The following CRAMP1 variants were observed in gnomAD, a reference collection of about 807,000 sequenced individuals.
CRAMP1 encodes cramped chromatin regulator 1.
A neutral mutation model predicts 115.4 loss-of-function variants in CRAMP1; 50 were observed. The observed-to-expected ratio is 0.43, with a 90% CI of 0.35 to 0.55. The LOEUF (loss-of-function observed/expected upper bound fraction) is 0.55, where lower values mean the gene tolerates loss of function less well. Among genes scored for constraint, CRAMP1 ranks in the 20% least tolerant of loss-of-function variants. CRAMP1 has a pLI of 0.01. For missense variants in CRAMP1, 1,679 were observed against 1,721.7 expected, an observed-to-expected ratio of 0.98 and a Z score of 0.44; for synonymous variants, 866 against 745.4, an observed-to-expected ratio of 1.16 and a Z score of -2.64.
chr16:1,659,451 T>C (rs1054653146), intron 10 of CRAMP1, among the ~76,000 whole-genome samples: 1 of 152,098 alleles, frequency 6.6e-6, no homozygotes, highest in Middle Eastern at 3.4e-3. Context: ...AGTGCAGTGG[T>C]GCGATCTCGG....
In CRAMP1 at chr16:1,656,036, C is replaced by T. The variant is rs1207627052; in HGVS notation, c.1279C>T (p.Gln427Ter). Residue 427 changes from glutamine to a stop codon, truncating the protein, a stop_gained, in exon 10 of 21, where the codon CAG becomes TAG. Transcript: ENST00000397412. LOFTEE classifies it high-confidence loss of function. This position sits in a 1 kb window ranked among gnomAD's most constrained non-coding sequence, Gnocchi z 5.6. ...HSKAFCTVHW[Q>*]EGGRCKQSAK... The stretch of plus-strand genomic sequence containing the variant: ...CAAGGCCTTCTGCACAGTGCACTGG[C>T]AGGAGGGCGGCCGGTGCAAGCAGAG... 1 of 1,612,162 alleles carries T rather than the reference C, an allele frequency of 6.2e-7. No homozygotes were observed. Among genetic ancestry groups the T allele is most frequent in the Non-Finnish European group, 8.5e-7 (1 of 1,179,630 alleles).
chr16:1,655,288 T>C lies in CRAMP1; in HGVS notation c.1107T>C (p.His369=). The change falls in exon 9 of 21, where the codon CAT becomes CAC. Residue 369 remains histidine (H), a synonymous_variant. Coordinates refer to ENST00000397412, the MANE Select transcript of CRAMP1 (RefSeq NM_020825.4). ...IEFLKQKWAL[H]EVRVRKTLEE... is the part of the protein sequence containing the mutation. ...TCTTGAAGCAGAAGTGGGCGCTCCA[T>C]GAGGTGCGAGTTGTATCCTTTTCCA... 3 of 1,613,820 alleles carry C rather than the reference T, an allele frequency of 1.9e-6. No homozygotes were observed. Among genetic ancestry groups the C allele is most frequent in the Non-Finnish European group, 2.5e-6 (3 of 1,179,714 alleles).
chr16:1,645,756 C>T (rs2036669386), intron 6 of CRAMP1, among the ~76,000 whole-genome samples: 1 of 152,232 alleles, frequency 6.6e-6, no homozygotes, highest in African/African-American at 2.4e-5. Flanking sequence ...CTCCCGCTCT[C>T]TCTAGCTGCA....
At chr16:1,633,851 C>G (rs546003625) in intron 4 of CRAMP1, among the ~76,000 whole-genome samples, 18 of 152,150 alleles carry the variant, frequency 1.2e-4, no homozygotes, top group Admixed American at 1.2e-3. Flanking sequence ...GGGCGGATCA[C>G]GAGGTCAAGA....
Position 1,656,206 on chromosome 16 carries a change from G to T in CRAMP1, c.1449G>T (p.Leu483Phe), listed in dbSNP as rs757719069. The T allele has an allele frequency of 6.2e-7, 1 of 1,604,030 alleles. No homozygotes were observed. Among genetic ancestry groups the T allele is most frequent in the Non-Finnish European group, 8.5e-7 (1 of 1,176,264 alleles). The change falls in exon 10 of 21, where the codon TTG becomes TTT. Residue 483 changes from leucine (L) to phenylalanine (F), a missense_variant. Transcript: ENST00000397412. This position sits in a 1 kb window ranked among gnomAD's most constrained non-coding sequence, Gnocchi z 5.6. ...GGCCCCCTCCTGCGGCTGACGCCTTGCAGAGCTCCGGAGAGAGTTCCCCCG... is the reference window on the plus strand; with the variant it reads ...GGCCCCCTCCTGCGGCTGACGCCTTTCAGAGCTCCGGAGAGAGTTCCCCCG... The part of the protein sequence containing the change: ...VGRPPPAADA[L>F]QSSGESSPES...
intron 4 of CRAMP1, 71 bp downstream of exon 4, chr16:1,632,436 C>G (rs2036554534): frequency 6.9e-7 from 1 of 1,449,112 alleles, no homozygotes; most frequent in African/African-American, 1.4e-5. Flanking sequence ...GCGCAGCTTC[C>G]AGCAAGCCCG....
chr16:1,634,668 G>A (rs1043210665), intron 4 of CRAMP1, among the ~76,000 whole-genome samples: 9 of 151,958 alleles, frequency 5.9e-5, no homozygotes, highest in African/African-American at 1.9e-4. Flanking sequence ...CCGTTCTCCC[G>A]TGTTCTCCCG....
In CRAMP1 at chr16:1,672,026, CCT is replaced by C. The variant is rs1231412840; in HGVS notation, c.3645+1218_3645+1219del. ...CGAGAAGCCAGTCTCTGTCTCTTCC[CCT>C]GTTTGTGCGCATGTTCCTAAGTGCT... is the stretch of plus-strand genomic sequence containing the variant. On this transcript the variant is annotated intron_variant, in intron 20 of 20. Coordinates refer to ENST00000397412, the MANE Select transcript of CRAMP1 (RefSeq NM_020825.4). This position sits in a 1 kb window ranked among gnomAD's most constrained non-coding sequence, Gnocchi z 4.9. 8.5e-5 allele frequency among the ~76,000 whole-genome samples: 13 copies of C among 152,292 alleles called. No individual in the cohort carries two copies. Among genetic ancestry groups the C allele is most frequent in the South Asian group, 2.1e-4 (1 of 4,830 alleles).
intron 3 of CRAMP1, 62 bp downstream of exon 3, chr16:1,626,228 C>A: frequency 1.5e-6 from 2 of 1,370,994 alleles, no homozygotes; most frequent in Non-Finnish European, 1.9e-6. Context: ...CCCTGCCCTC[C>A]GTTCCCCGTG....
chr16:1,620,608 G>A (rs915204972), intron 2 of CRAMP1: 10 of 456,566 alleles, frequency 2.2e-5, no homozygotes, highest in South Asian at 1.6e-4. Flanking sequence ...GGGTGTCACT[G>A]GGCTTCTGCG....
At chr16:1,628,248 A>G (rs1054450991) in intron 3 of CRAMP1, among the ~76,000 whole-genome samples, 1 of 152,172 alleles carries the variant, frequency 6.6e-6, no homozygotes, top group Admixed American at 6.5e-5. Context: ...GGCAAGAGAA[A>G]GGACTTTTTG....
chr16:1,654,333 T>C (rs1430456368), intron 8 of CRAMP1, among the ~76,000 whole-genome samples: 1 of 151,506 alleles, frequency 6.6e-6, no homozygotes, highest in Non-Finnish European at 1.5e-5. Context: ...TGCCTCAGCC[T>C]CCCGAGCAGC....
intron 3 of CRAMP1, among the ~76,000 whole-genome samples, chr16:1,628,723 T>C (rs769609566): frequency 2.4e-4 from 37 of 152,296 alleles, no homozygotes; most frequent in Non-Finnish European, 4.4e-4. Flanking sequence ...GCTTCTGCCA[T>C]GTTGTCATGG....
chr16:1,613,848 A>G (rs750709542), intron 1 of CRAMP1, among the ~76,000 whole-genome samples: 1 of 152,160 alleles, frequency 6.6e-6, no homozygotes, highest in African/African-American at 2.4e-5. Flanking sequence ...AGCATTTTTA[A>G]CTAGTAAATC....
intron 19 of CRAMP1, chr16:1,670,322 G>T: frequency 3.6e-6 from 1 of 277,000 alleles, no homozygotes; most frequent in Non-Finnish European, 6.9e-6. Flanking sequence ...AGAGAAGAAA[G>T]TATGGGGGTG....
intron 1 of CRAMP1, among the ~76,000 whole-genome samples, chr16:1,612,916 C>T (rs781655625): frequency 4.6e-5 from 7 of 152,036 alleles, no homozygotes; most frequent in Non-Finnish European, 7.4e-5. Flanking sequence ...CATCCCCCTG[C>T]TTGTTGGCCC....
Position 1,666,590 on chromosome 16 carries a change from C to T in CRAMP1, c.3026C>T (p.Pro1009Leu), listed in dbSNP as rs1223761854. The change falls in exon 16 of 21, where the codon CCC becomes CTC. Residue 1009 changes from proline to leucine, a missense_variant. Physicochemically the swap from Pro to Leu is moderately conservative, Grantham distance 98. Coordinates refer to ENST00000397412, the MANE Select transcript of CRAMP1 (RefSeq NM_020825.4). This position sits in a 1 kb window ranked among gnomAD's most constrained non-coding sequence, Gnocchi z 5.0. Reference protein sequence around the residue: ...TGTHQDGDTLPTVGGSDPFVS... With the variant: ...TGTHQDGDTLLTVGGSDPFVS... ...ACTCACCAGGATGGAGACACCCTCC[C>T]CACCGTGGGGGTGAGTATGTTTAGA... 1 of 1,613,808 alleles carries T rather than the reference C, an allele frequency of 6.2e-7. No homozygotes were observed. The highest frequency in any genetic ancestry group is 8.5e-7 in the Non-Finnish European group (1 of 1,179,766).
chr16:1,634,854 G>A (rs1048282885), intron 4 of CRAMP1, among the ~76,000 whole-genome samples: 3 of 152,214 alleles, frequency 2.0e-5, no homozygotes, highest in Non-Finnish European at 4.4e-5. Flanking sequence ...AAACAGAGTG[G>A]CAACTTTTTC....
At chr16:1,625,798 G>A in intron 2 of CRAMP1, 175 bp from the exon 3 acceptor site, 2 of 585,466 alleles carry the variant, frequency 3.4e-6, no homozygotes, top group South Asian at 4.3e-5. Context: ...GATCCTGGCA[G>A]TCCTAAGCAG....
Sources: gnomAD v4.1 joint callset for allele counts (sites outside exome capture counted in the v4.1 genomes callset) on GRCh38, gnomAD v4.1.1 for gene constraint, Gnocchi (gnomAD v3.1) non-coding constraint, MANE v1.5 for transcripts, NCBI Gene and HGNC (gene_info 2026-07-23, HGNC 2026-07-21) for gene names.